The following XKR4 variants were observed in gnomAD, a reference collection of about 807,000 sequenced individuals.
XKR4 encodes XK-related protein 4.
In XKR4, 12 loss-of-function variants were observed where a neutral mutation model predicts 53.9. The observed-to-expected ratio is 0.22, with a 90% confidence interval of 0.14 to 0.36. The LOEUF is 0.36. XKR4 is among the 10% of genes least tolerant of loss of function. XKR4 has a pLI of 1.00. For synonymous variants in XKR4, 354 were observed against 362.4 expected (o/e 0.98, Z 0.26); for missense variants, 799 against 859.5 (o/e 0.93, Z 0.88).
chr8:55,151,316 A>C (rs570839900), intron 1 of XKR4, among the ~76,000 whole-genome samples: 1 of 152,344 alleles, frequency 6.6e-6, no homozygotes, highest in South Asian at 2.1e-4. Context: ...CTGACAGTAA[A>C]AGAAGCTGAG....
At chr8:55,338,816 A>G (rs1211938883) in intron 1 of XKR4, among the ~76,000 whole-genome samples, 1 of 152,222 alleles carries the variant, frequency 6.6e-6, no homozygotes, top group East Asian at 1.9e-4. Context: ...ATTTACATAG[A>G]CAATTTAAAA....
Position 55,495,172 on chromosome 8 carries a change from A to G in XKR4, c.1007-28109A>G, listed in dbSNP as rs2622576. On this transcript the variant is annotated intron_variant, in intron 2 of 2. Transcript: ENST00000327381. Reference sequence around the variant, plus strand: ...CCCAGCCAGGCTTACCAGTGCCTAGACTTGGCCCAGACTTGTCCCCTACTT... The same window carrying G: ...CCCAGCCAGGCTTACCAGTGCCTAGGCTTGGCCCAGACTTGTCCCCTACTT... Among the ~76,000 whole-genome samples the G allele has an allele frequency of 3.2e-3, 492 of 152,264 alleles. 3 individuals carry two copies. The highest frequency in any genetic ancestry group is 5.0e-3 in the Non-Finnish European group (340 of 68,006).
At chr8:55,179,270 T>C (rs1233866258) in intron 1 of XKR4, among the ~76,000 whole-genome samples, 2 of 149,382 alleles carry the variant, frequency 1.3e-5, no homozygotes, top group Non-Finnish European at 2.9e-5. Flanking sequence ...CTCTGTCCAA[T>C]GACAGGAGCA....
At chr8:55,267,167 G>T (rs1412062828) in intron 1 of XKR4, among the ~76,000 whole-genome samples, 1 of 152,022 alleles carries the variant, frequency 6.6e-6, no homozygotes, top group East Asian at 1.9e-4. Context: ...AAAATCAATG[G>T]AGCTAATTCA....
chr8:55,215,685 AT>A (rs781768414), intron 1 of XKR4, among the ~76,000 whole-genome samples: 1 of 152,244 alleles, frequency 6.6e-6, no homozygotes, highest in Non-Finnish European at 1.5e-5. Context: ...CAGGAAAAAA[AT>A]AATAAAATTC....
intron 1 of XKR4, among the ~76,000 whole-genome samples, chr8:55,128,585 A>G (rs967465728): frequency 1.3e-5 from 2 of 152,162 alleles, no homozygotes; most frequent in African/African-American, 4.8e-5. Flanking sequence ...AAAGCACCAC[A>G]CTTCATGTGA....
chr8:55,112,353 T>C (rs995688974), intron 1 of XKR4, among the ~76,000 whole-genome samples: 1 of 152,102 alleles, frequency 6.6e-6, no homozygotes, highest in African/African-American at 2.4e-5. Flanking sequence ...AAGTAGGATC[T>C]ATAGGGAACA....
chr8:55,121,010 A>C (rs1437317994), intron 1 of XKR4, among the ~76,000 whole-genome samples: 1 of 152,184 alleles, frequency 6.6e-6, no homozygotes, highest in East Asian at 1.9e-4. Flanking sequence ...AGCAGTATGC[A>C]TTTAGGATTC....
intron 1 of XKR4, among the ~76,000 whole-genome samples, chr8:55,252,463 C>T (rs932334013): frequency 3.9e-5 from 6 of 152,184 alleles, no homozygotes; most frequent in Non-Finnish European, 8.8e-5. Flanking sequence ...ACTTAAATGT[C>T]TGCTGAATAC....
intron 2 of XKR4, among the ~76,000 whole-genome samples, chr8:55,499,094 C>T (rs1025332826): frequency 2.6e-5 from 4 of 152,160 alleles, no homozygotes; most frequent in African/African-American, 4.8e-5. Context: ...CTTGAGGAAA[C>T]GTTAACAAAT....
At chr8:55,307,083 A>G (rs961597) in intron 1 of XKR4, among the ~76,000 whole-genome samples, 36,702 of 152,018 alleles carry the variant, frequency 0.24, 4,890 homozygotes, top group East Asian at 0.53. Context: ...AGGACTAGGC[A>G]ATGAGTTCTT....
At chr8:55,262,783 C>T (rs1818545623) in intron 1 of XKR4, among the ~76,000 whole-genome samples, 1 of 152,162 alleles carries the variant, frequency 6.6e-6, no homozygotes, top group Non-Finnish European at 1.5e-5. Flanking sequence ...GCATTAGATG[C>T]CCACTCTTAG....
At chr8:55,121,471 A>T (rs187221428) in intron 1 of XKR4, among the ~76,000 whole-genome samples, 1 of 152,350 alleles carries the variant, frequency 6.6e-6, no homozygotes, top group East Asian at 1.9e-4. Context: ...CACTAAAATT[A>T]GGGAGTAGTT....
At chr8:55,455,236 G>A (rs1202556429) in intron 2 of XKR4, 6 of 235,268 alleles carry the variant, frequency 2.6e-5, no homozygotes, top group African/African-American at 7.1e-5. Flanking sequence ...GGGACACCCC[G>A]GGTTCGCTCC....
chr8:55,353,205 G>A (rs1181592435), intron 1 of XKR4, among the ~76,000 whole-genome samples: 2 of 152,194 alleles, frequency 1.3e-5, no homozygotes, highest in African/African-American at 2.4e-5. Context: ...AGATACTGAA[G>A]TCCTAACCTC....
At chr8:55,454,777 G>T in intron 2 of XKR4, 3 of 777,802 alleles carry the variant, frequency 3.9e-6, no homozygotes, top group Non-Finnish European at 7.1e-6. Flanking sequence ...CAGCGTCTTT[G>T]GGGCAAACAT....
At chr8:55,146,253 C>T (rs1426260453) in intron 1 of XKR4, among the ~76,000 whole-genome samples, 2 of 152,202 alleles carry the variant, frequency 1.3e-5, no homozygotes, top group African/African-American at 4.8e-5. Context: ...CCTTCCTAAA[C>T]CGCTGACATG....
At chr8:55,120,437 A>G (rs961855276) in intron 1 of XKR4, among the ~76,000 whole-genome samples, 3 of 151,940 alleles carry the variant, frequency 2.0e-5, no homozygotes, top group Non-Finnish European at 2.9e-5. Flanking sequence ...AGGAAATTCA[A>G]ATTATTAGGA....
At chr8:55,228,100 T>C (rs1817982030) in intron 1 of XKR4, among the ~76,000 whole-genome samples, 1 of 152,036 alleles carries the variant, frequency 6.6e-6, no homozygotes, top group South Asian at 2.1e-4. Flanking sequence ...AGAGACGGGG[T>C]TTCATCATGT....
Sources: allele counts gnomAD v4.1 joint callset (sites outside exome capture counted in the v4.1 genomes callset), GRCh38; gene constraint gnomAD v4.1.1; transcripts MANE v1.5; gene names NCBI Gene and HGNC (gene_info 2026-07-23, HGNC 2026-07-21).